The following EPHA3 variants were observed in gnomAD, a reference collection of about 807,000 sequenced individuals.
The protein encoded by EPHA3 is ephrin type-A receptor 3.
In EPHA3, 42 loss-of-function variants were observed where a neutral mutation model predicts 107.1. That is an observed-to-expected ratio of 0.39 (90% CI 0.31 to 0.51). The LOEUF (loss-of-function observed/expected upper bound fraction) is 0.51. Among genes scored for constraint, EPHA3 ranks in the 20% least tolerant of loss-of-function variants. The pLI is 0.78. For missense variants in EPHA3, 1,183 were observed against 1,211.2 expected (o/e 0.98, Z 0.35); for synonymous variants, 461 against 424.8 (o/e 1.09, Z -1.05).
chr3:89,372,115 G>A (rs779278800), intron 5 of EPHA3, among the ~76,000 whole-genome samples: 5 of 151,672 alleles, frequency 3.3e-5, no homozygotes, highest in Non-Finnish European at 4.4e-5. Flanking sequence ...GAAACATTCC[G>A]ATAAAATTGG....
chr3:89,130,862 T>A (rs976391581), intron 2 of EPHA3, among the ~76,000 whole-genome samples: 1 of 152,136 alleles, frequency 6.6e-6, no homozygotes, highest in Admixed American at 6.5e-5. Flanking sequence ...GGACTCGATC[T>A]CCTGACCTCG....
At chr3:89,266,428 G>C (rs1356308923) in intron 3 of EPHA3, among the ~76,000 whole-genome samples, 12 of 152,114 alleles carry the variant, frequency 7.9e-5, no homozygotes, top group Non-Finnish European at 1.6e-4. Flanking sequence ...AGACTTTAAA[G>C]AGTTCTGTTT....
intron 5 of EPHA3, among the ~76,000 whole-genome samples, chr3:89,360,606 A>G (rs1392365927): frequency 6.6e-6 from 1 of 151,070 alleles, no homozygotes; most frequent in African/African-American, 2.4e-5. Context: ...ACCACTTCTT[A>G]CAAGATCCAT....
chr3:89,455,304 T>C (rs1221086810), intron 15 of EPHA3, among the ~76,000 whole-genome samples: 1 of 152,108 alleles, frequency 6.6e-6, no homozygotes, highest in African/African-American at 2.4e-5. Flanking sequence ...GAGCCAGCTG[T>C]GTAACCTCCT....
intron 2 of EPHA3, among the ~76,000 whole-genome samples, chr3:89,171,197 G>A (rs1299028570): frequency 6.6e-6 from 1 of 152,004 alleles, no homozygotes; most frequent in African/African-American, 2.4e-5. Flanking sequence ...TATATAGCAG[G>A]CTTAACTACC....
intron 3 of EPHA3, among the ~76,000 whole-genome samples, chr3:89,248,099 C>G (rs1705078420): frequency 6.6e-6 from 1 of 152,156 alleles, no homozygotes; most frequent in Non-Finnish European, 1.5e-5. Context: ...TATCTCATTT[C>G]CTTAATCTAG....
chr3:89,225,718 C>T lies in EPHA3; in HGVS notation c.814+15198C>T, dbSNP rs1205137941. Among the ~76,000 whole-genome samples, 4 of 152,208 alleles carry T rather than the reference C, an allele frequency of 2.6e-5. No homozygotes were observed. The South Asian group carries it at 8.3e-4, about 32-fold the overall frequency. The stretch of plus-strand genomic sequence containing the variant: ...GTCAGAGCCTACCCTATTTTAGGTA[C>T]ATAGTTTTAATATGCTGAGTAATTT... On this transcript the variant is annotated intron_variant, in intron 3 of 16. Transcript: ENST00000336596.
At chr3:89,387,701 A>G (rs1708649203) in intron 5 of EPHA3, among the ~76,000 whole-genome samples, 1 of 152,138 alleles carries the variant, frequency 6.6e-6, no homozygotes, top group African/African-American at 2.4e-5. Context: ...AGACTTTTAT[A>G]TTTTTATAAC....
chr3:89,239,086 T>A (rs914257795), intron 3 of EPHA3, among the ~76,000 whole-genome samples: 2 of 152,148 alleles, frequency 1.3e-5, no homozygotes, highest in African/African-American at 4.8e-5. Flanking sequence ...CGAGAGTGAT[T>A]AAACATCTTT....
chr3:89,445,685 C>G (rs1709865386), intron 13 of EPHA3, among the ~76,000 whole-genome samples: 1 of 152,128 alleles, frequency 6.6e-6, no homozygotes, highest in Admixed American at 6.6e-5. Flanking sequence ...AGCAACTGAA[C>G]CCTTGATATA....
intron 5 of EPHA3, among the ~76,000 whole-genome samples, chr3:89,354,791 A>C (rs1393092288): frequency 6.6e-6 from 1 of 151,232 alleles, no homozygotes. Flanking sequence ...TAAGTGAATA[A>C]GTGTCTTGTC....
chr3:89,234,910 TCCTG>T (rs1441560650), intron 3 of EPHA3, among the ~76,000 whole-genome samples: 1 of 128,476 alleles, frequency 7.8e-6, no homozygotes, highest in African/African-American at 3.0e-5. Flanking sequence ...TTCTCTTCCT[TCCTG>T]CCTTCCTTCC....
At chr3:89,266,981 TTTC>T (rs1310167853) in intron 3 of EPHA3, among the ~76,000 whole-genome samples, 1 of 152,130 alleles carries the variant, frequency 6.6e-6, no homozygotes, top group Non-Finnish European at 1.5e-5. Flanking sequence ...TCAAATAGTA[TTTC>T]ATTAAAAAAA....
chr3:89,399,515 G>T (rs771298333), intron 7 of EPHA3, 35 bp downstream of exon 7: 5 of 1,601,390 alleles, frequency 3.1e-6, no homozygotes, highest in Admixed American at 1.7e-5. Flanking sequence ...AGAGGAGGGG[G>T]CAGGGATCTT....
Position 89,383,185 on chromosome 3 carries a change from G to C in EPHA3, c.1307-12652G>C, listed in dbSNP as rs575399367. 2.0e-5 allele frequency among the ~76,000 whole-genome samples: 3 copies of C among 152,194 alleles called. No individual in the cohort carries two copies. In the East Asian group the frequency reaches 5.8e-4, roughly 29 times the overall value. On this transcript the variant is annotated intron_variant, in intron 5 of 16. Transcript: ENST00000336596. ...TGTTCACTTCCACTCTATAGTTGTA[G>C]TTTGCTAATAAAAGATTAAGACCAG... is the stretch of plus-strand genomic sequence containing the variant.
intron 2 of EPHA3, among the ~76,000 whole-genome samples, chr3:89,130,087 G>A (rs1384207589): frequency 6.6e-6 from 1 of 152,030 alleles, no homozygotes; most frequent in South Asian, 2.1e-4. Context: ...ATTTTGCCTC[G>A]GTGGGATATT....
intron 5 of EPHA3, among the ~76,000 whole-genome samples, chr3:89,366,439 T>C (rs1708185373): frequency 6.6e-6 from 1 of 150,762 alleles, no homozygotes; most frequent in South Asian, 2.1e-4. Context: ...CATTTTAGAA[T>C]TGATGAAATT....
intron 3 of EPHA3, among the ~76,000 whole-genome samples, chr3:89,312,945 C>A (rs1207353129): frequency 6.6e-6 from 1 of 151,924 alleles, no homozygotes; most frequent in African/African-American, 2.4e-5. Context: ...ATAATATTCC[C>A]TGGTATATAT....
intron 3 of EPHA3, among the ~76,000 whole-genome samples, chr3:89,220,594 T>C (rs1704349430): frequency 6.6e-6 from 1 of 152,060 alleles, no homozygotes; most frequent in South Asian, 2.1e-4. Context: ...ATATAAAGCA[T>C]TTGGAGGTTG....
Sources: allele counts gnomAD v4.1 joint callset (sites outside exome capture counted in the v4.1 genomes callset), GRCh38; gene constraint gnomAD v4.1.1; transcripts MANE v1.5; gene names NCBI Gene and HGNC (gene_info 2026-07-23, HGNC 2026-07-21).